Variants in PRKCG observed in about 807,000 individuals in gnomAD.
PRKCG encodes the protein protein kinase C gamma, also known as protein kinase C gamma type.
PRKCG carries 28 observed loss-of-function variants against 82.0 expected under a neutral mutation model. The observed-to-expected ratio is 0.34, with a 90% CI of 0.25 to 0.47. The LOEUF (loss-of-function observed/expected upper bound fraction) is 0.47, where lower values mean the gene tolerates loss of function less well. Ranked by LOEUF, PRKCG falls within the 20% of genes least tolerant of loss-of-function variation. PRKCG has a pLI of 1.00. For missense variants in PRKCG, 640 were observed against 952.7 expected, an observed-to-expected ratio of 0.67 and a Z score of 4.32; for synonymous variants, 383 against 376.6, an observed-to-expected ratio of 1.02 and a Z score of -0.20.
At chr19:53,901,551 CAAAA>C (rs57268943) in intron 14 of PRKCG, among the ~76,000 whole-genome samples, 122 of 45,818 alleles carry the variant, frequency 2.7e-3, no homozygotes, top group African/African-American at 5.0e-3. Context: ...AACTTCATCT[CAAAA>C]AAAAAAAAAA....
In PRKCG at chr19:53,884,243, C is replaced by T. The variant is rs17854523; in HGVS notation, c.285C>T (p.Asp95=). ...CPGAGKGPQT[D]DPRNKHKFRL... ...GCGCTGGGAAGGGCCCCCAGACGGA[C>T]GTGAGTGCTCGGACACCTGGTTCTC... The change falls in exon 3 of 18, where the codon GAC becomes GAT. Residue 95 remains aspartate (D), a splice_region_variant and synonymous_variant. Coordinates refer to ENST00000263431, the MANE Select transcript of PRKCG (RefSeq NM_002739.5). The surrounding 1 kb of genome is among the most constrained non-coding windows in gnomAD (Gnocchi z 4.6). 11,963 of 1,613,684 alleles carry T rather than the reference C, an allele frequency of 7.4e-3. 467 individuals carry two copies. The African/African-American group carries it at 0.1, about 14-fold the overall frequency.
intron 17 of PRKCG, 65 bp from the exon 18 acceptor site, chr19:53,906,642 A>G (rs1241544937): frequency 3.8e-6 from 6 of 1,569,890 alleles, no homozygotes; most frequent in Non-Finnish European, 5.3e-6. Context: ...AGACTGGGGT[A>G]CACAGAGGGA....
chr19:53,891,105 G>A (rs114759957), intron 5 of PRKCG, among the ~76,000 whole-genome samples: 3,669 of 152,076 alleles, frequency 0.024, 81 homozygotes, highest in African/African-American at 0.057. Context: ...TTCTGAGGGA[G>A]GCTGTGGTTC....
At chr19:53,898,287 T>C (rs948989966) in intron 10 of PRKCG, among the ~76,000 whole-genome samples, 153 bp from the exon 11 acceptor site, 48 of 152,152 alleles carry the variant, frequency 3.2e-4, no homozygotes, top group African/African-American at 1.1e-3. Flanking sequence ...GACACTCTCC[T>C]TGAGGGGACG....
In PRKCG at chr19:53,900,944, G is replaced by T. The variant is rs1217653021; in HGVS notation, c.1575+195G>T. 6.6e-6 allele frequency among the ~76,000 whole-genome samples: 1 copy of T among 152,204 alleles called. No homozygotes were observed. The highest frequency in any genetic ancestry group is 1.5e-5 in the Non-Finnish European group (1 of 68,036). ...TGAGCCTGCCAGGTGGGCCCAGCTG[G>T]GTCTCTAAATAGGTAAGGTGGGCAG... is the stretch of plus-strand genomic sequence containing the variant. On this transcript the variant is annotated intron_variant, in intron 14 of 17. Transcript: ENST00000263431. The surrounding 1 kb of genome is among the most constrained non-coding windows in gnomAD (Gnocchi z 4.2).
Position 53,882,434 on chromosome 19 carries a change from C to G in PRKCG, c.-61C>G. On this transcript the variant is annotated 5_prime_UTR_variant, in exon 1 of 18. Coordinates refer to ENST00000263431, the MANE Select transcript of PRKCG (RefSeq NM_002739.5). The surrounding 1 kb of genome is among the most constrained non-coding windows in gnomAD (Gnocchi z 6.1). ...GATCCTTCGAGTCTCCAGCTCCTCTCCCTTCCACCTGTTTCCCCCAAGAAA... is the reference window on the plus strand; with the variant it reads ...GATCCTTCGAGTCTCCAGCTCCTCTGCCTTCCACCTGTTTCCCCCAAGAAA... 1 of 1,584,550 alleles carries G rather than the reference C, an allele frequency of 6.3e-7. No individual in the cohort carries two copies. Among genetic ancestry groups the G allele is most frequent in the South Asian group, 1.1e-5 (1 of 87,628 alleles).
At chr19:53,904,521 A>C in intron 15 of PRKCG, 114 bp from the exon 16 acceptor site, 1 of 817,214 alleles carries the variant, frequency 1.2e-6, no homozygotes, top group African/African-American at 1.7e-5. Flanking sequence ...TCAGGTGTGC[A>C]TGTGGGGCGT....
Position 53,883,114 on chromosome 19 carries a change from G to A in PRKCG, c.171-49G>A. On this transcript the variant is annotated intron_variant, in intron 1 of 17. Transcript: ENST00000263431. The surrounding 1 kb of genome is among the most constrained non-coding windows in gnomAD (Gnocchi z 5.4). ...CCCCCTGTGGCTCGCAGAGGTTGGGGGTCCAGGTACCCCTTTCTGCACTGA... is the reference window on the plus strand; with the variant it reads ...CCCCCTGTGGCTCGCAGAGGTTGGGAGTCCAGGTACCCCTTTCTGCACTGA... 4.3e-6 allele frequency: 7 copies of A among 1,611,916 alleles called. No homozygotes were observed. Among genetic ancestry groups the A allele is most frequent in the Non-Finnish European group, 5.9e-6 (7 of 1,178,134 alleles).
Position 53,898,008 on chromosome 19 carries a change from G to C in PRKCG, c.989G>C (p.Ser330Thr). ...TCTCCCATCCCCTCCCCTTCCCCTA[G>C]TCCCACCGACCCCAAGCGCTGCTTC... Reference protein sequence around the residue: ...SSSPIPSPSPSPTDPKRCFFG... With the variant: ...SSSPIPSPSPTPTDPKRCFFG... The change falls in exon 10 of 18, where the codon AGT (serine) becomes ACT (threonine). Residue 330 changes from serine to threonine, a missense_variant. Ser to Thr is a moderately conservative substitution (Grantham distance 58). This residue lies in a region of PRKCG where 261 missense variants were observed against 312.1 expected (regional missense o/e 0.84). Coordinates refer to ENST00000263431, the MANE Select transcript of PRKCG (RefSeq NM_002739.5). The C allele has an allele frequency of 6.2e-7, 1 of 1,614,022 alleles. No homozygotes were observed. The highest frequency in any genetic ancestry group is 8.5e-7 in the Non-Finnish European group (1 of 1,180,004).
rs767594096 is a variant in PRKCG, at chr19:53,900,579, C to G, written c.1437-32C>G. The G allele has an allele frequency of 9.9e-6, 16 of 1,614,114 alleles. No individual in the cohort carries two copies. The South Asian group carries it at 1.5e-4, about 16-fold the overall frequency. ...AGACTGCTGAACTCAACACTTCTTG[C>G]AATTCCTGCCCCACACCCCTGCATC... On this transcript the variant is annotated intron_variant, in intron 13 of 17. Coordinates refer to ENST00000263431, the MANE Select transcript of PRKCG (RefSeq NM_002739.5). The surrounding 1 kb of genome is among the most constrained non-coding windows in gnomAD (Gnocchi z 4.2).
rs1184248080 is a variant in PRKCG at position 53,883,894 on chromosome 19, C to G, written c.203-267C>G. Among the ~76,000 whole-genome samples, 1 of 152,116 alleles carries G rather than the reference C, an allele frequency of 6.6e-6. No individual in the cohort carries two copies. Among genetic ancestry groups the G allele is most frequent in the Non-Finnish European group, 1.5e-5 (1 of 68,020 alleles). On this transcript the variant is annotated intron_variant, in intron 2 of 17. Coordinates refer to ENST00000263431, the MANE Select transcript of PRKCG (RefSeq NM_002739.5). The surrounding 1 kb of genome is among the most constrained non-coding windows in gnomAD (Gnocchi z 5.4). ...ATTTTCTTTCTCTCTTTTTCCATCTCCCTTCCCTGAGCTCTGTGCTCTGTG... is the reference window on the plus strand; with the variant it reads ...ATTTTCTTTCTCTCTTTTTCCATCTGCCTTCCCTGAGCTCTGTGCTCTGTG...
chr19:53,885,942 G>A (rs2068628386), intron 3 of PRKCG, among the ~76,000 whole-genome samples: 1 of 150,298 alleles, frequency 6.7e-6, no homozygotes, highest in Non-Finnish European at 1.5e-5. Context: ...TTTTTTGCCT[G>A]TAATCCCAGC....
Position 53,900,519 on chromosome 19 carries a change from C to T in PRKCG, c.1436+38C>T. 6.2e-7 allele frequency: 1 copy of T among 1,614,006 alleles called. No individual in the cohort carries two copies. The highest frequency in any genetic ancestry group is 8.5e-7 in the Non-Finnish European group (1 of 1,179,930). ...AGGAATTTCCGTGGAGGAAATCACG[C>T]CCCTGGAAGGGAAGGGATTTGAATA... On this transcript the variant is annotated intron_variant, in intron 13 of 17. Transcript: ENST00000263431. This position sits in a 1 kb window ranked among gnomAD's most constrained non-coding sequence, Gnocchi z 4.2.
In PRKCG at chr19:53,900,113, C is replaced by T; in HGVS notation, c.1282-120C>T. ...GCCCTCCCAGGGATGTGGCTAGGTG[C>T]TCTGAATTTCTGGTTGGGTGCATCT... On this transcript the variant is annotated intron_variant, in intron 11 of 17. Coordinates refer to ENST00000263431, the MANE Select transcript of PRKCG (RefSeq NM_002739.5). This position sits in a 1 kb window ranked among gnomAD's most constrained non-coding sequence, Gnocchi z 4.2. 1 of 924,024 alleles carries T rather than the reference C, an allele frequency of 1.1e-6. No homozygotes were observed. The highest frequency in any genetic ancestry group is 1.8e-6 in the Non-Finnish European group (1 of 566,344). The allele number at this position is 924,024 out of a possible 1,614,324, so 57.2% of individuals were successfully genotyped here. A position where few individuals can be genotyped will look rare whatever the true frequency, so the allele number is the denominator to read the frequency against.
At chr19:53,893,736 A>G (rs577054642) in intron 9 of PRKCG, among the ~76,000 whole-genome samples, 2 of 151,780 alleles carry the variant, frequency 1.3e-5, no homozygotes, top group African/African-American at 4.8e-5. Flanking sequence ...TTGATTCTTG[A>G]GGTTTTTTAA....
At chr19:53,887,939 CT>C (rs2068644072) in intron 3 of PRKCG, among the ~76,000 whole-genome samples, 3 of 151,896 alleles carry the variant, frequency 2.0e-5, no homozygotes, top group African/African-American at 4.8e-5. Context: ...AAATCTGAGG[CT>C]TTGAAAAGGG....
In PRKCG at chr19:53,883,249, C is replaced by G; in HGVS notation, c.202+55C>G. Reference sequence around the variant, plus strand: ...CCCTCAGGAGGGTGGAGGCTGGGGCCCCACAGCTGAGGCTGCTTGACACAC... The same window carrying G: ...CCCTCAGGAGGGTGGAGGCTGGGGCGCCACAGCTGAGGCTGCTTGACACAC... On this transcript the variant is annotated intron_variant, in intron 2 of 17. Transcript: ENST00000263431. The surrounding 1 kb of genome is among the most constrained non-coding windows in gnomAD (Gnocchi z 5.4). The G allele has an allele frequency of 6.2e-7, 1 of 1,604,414 alleles. No individual in the cohort carries two copies. Among genetic ancestry groups the G allele is most frequent in the Non-Finnish European group, 8.5e-7 (1 of 1,172,060 alleles).
Position 53,893,003 on chromosome 19 carries a change from C to T in PRKCG, c.837C>T (p.Asn279=), listed in dbSNP as rs1266229799. The change falls in exon 8 of 18, where the codon AAC becomes AAT. Residue 279 remains asparagine (N), a synonymous_variant. Transcript: ENST00000263431. The stretch of plus-strand genomic sequence containing the variant: ...TGTATGTCAGGTACAAGTTACTGAA[C>T]CAGGAGGAGGGCGAGTATTACAATG... ...APVDGWYKLL[N]QEEGEYYNVP... is the part of the protein sequence containing the mutation. 2.5e-6 allele frequency: 4 copies of T among 1,614,082 alleles called. No homozygotes were observed. The African/African-American group carries it at 5.3e-5, about 22-fold the overall frequency.
In PRKCG at chr19:53,906,358, T is replaced by C; in HGVS notation, c.1806T>C (p.Pro602=). The change falls in exon 17 of 18, where the codon CCT becomes CCC. Residue 602 remains proline, a synonymous_variant. Transcript: ENST00000263431. ...KHPGKRLGSG[P]DGEPTIRAHG... ...CAGGGAAGCGCCTGGGCTCAGGGCC[T>C]GATGGGGAACCTACCATCCGTGCAC... is the stretch of plus-strand genomic sequence containing the variant. 6.4e-7 allele frequency: 1 copy of C among 1,553,288 alleles called. No homozygotes were observed. The highest frequency in any genetic ancestry group is 8.7e-7 in the Non-Finnish European group (1 of 1,147,782).
Sources: gnomAD v4.1 joint callset for allele counts (sites outside exome capture counted in the v4.1 genomes callset) on GRCh38, gnomAD v4.1.1 for gene constraint, gnomAD v4.1.1 regional missense constraint, Gnocchi (gnomAD v3.1) non-coding constraint, MANE v1.5 for transcripts, NCBI Gene and HGNC (gene_info 2026-07-23, HGNC 2026-07-21) for gene names.